HOXB4: variants seen among roughly 807,000 people sequenced by gnomAD.
HOXB4 encodes homeobox B4.
A neutral mutation model predicts 20.0 loss-of-function variants in HOXB4; 13 were observed. The ratio of observed to expected loss-of-function variants is 0.65; its 90% CI spans 0.42 to 1.03. The LOEUF (loss-of-function observed/expected upper bound fraction) is 1.03. HOXB4 is among the 50% of genes least tolerant of loss of function. The pLI, the probability that HOXB4 is intolerant of heterozygous loss-of-function variation, is 0.00. For synonymous variants in HOXB4, 173 were observed against 148.9 expected (o/e 1.16, Z -1.18); for missense variants, 343 against 357.1 (o/e 0.96, Z 0.32).
chr17:48,576,526 G>A lies in HOXB4; in HGVS notation c.*196C>T. ...CTTGCTTCTGGGGGGGCCTCCCCGT[G>A]GCCCTCTATTGTCATTTCTATAAAT... On this transcript the variant is annotated 3_prime_UTR_variant, in exon 2 of 2. Transcript: ENST00000332503. The A allele has an allele frequency of 9.6e-6, 4 of 417,732 alleles. No homozygotes were observed. The highest frequency in any genetic ancestry group is 1.7e-5 in the Non-Finnish European group (4 of 240,116). 25.9% of individuals were successfully genotyped at this position (417,732 alleles called of 1,614,324 possible).
At chr17:48,577,822 G>T in intron 1 of HOXB4, 41 bp downstream of exon 1, 1 of 1,374,868 alleles carries the variant, frequency 7.3e-7, no homozygotes. Context: ...TTGGTGTAAA[G>T]CTCCAGGGGT....
rs1286474027 is a variant in HOXB4 at position 48,578,259 on chromosome 17, C to T, written c.61G>A (p.Glu21Lys). 1 of 1,614,020 alleles carries T rather than the reference C, an allele frequency of 6.2e-7. No homozygotes were observed. Among genetic ancestry groups the T allele is most frequent in the Non-Finnish European group, 8.5e-7 (1 of 1,179,916 alleles). ...NYVDPKFPPCEEYSQSDYLPS... is the reference protein window; with the variant it reads ...NYVDPKFPPCKEYSQSDYLPS... Reference sequence around the variant, plus strand: ...AGGTAATCGCTCTGTGAATATTCCTCGCATGGAGGGAACTTGGGGTCGACA... The same window carrying T: ...AGGTAATCGCTCTGTGAATATTCCTTGCATGGAGGGAACTTGGGGTCGACA... The change falls in exon 1 of 2, where the codon GAG (glutamate) becomes AAG (lysine). Residue 21 changes from glutamate to lysine, a missense_variant. Around this residue, in one of 3 missense-constraint regions of HOXB4, gnomAD observed 241 missense variants for 222.0 expected, o/e 1.09. Transcript: ENST00000332503.
Position 48,578,007 on chromosome 17 carries a change from C to G in HOXB4, c.313G>C (p.Glu105Gln). ...APPPAGALLP[E>Q]PGQRCEAVSS... Reference sequence around the variant, plus strand: ...ACCGCCTCGCAGCGCTGGCCGGGCTCCGGGAGGAGGGCCCCGGCGGGTGGC... The same window carrying G: ...ACCGCCTCGCAGCGCTGGCCGGGCTGCGGGAGGAGGGCCCCGGCGGGTGGC... Residue 105 changes from glutamate to glutamine, a missense_variant, in exon 1 of 2, where the codon GAG (glutamate) becomes CAG (glutamine). Transcript: ENST00000332503. 2.6e-6 allele frequency: 3 copies of G among 1,160,940 alleles called. No individual in the cohort carries two copies. Among genetic ancestry groups the G allele is most frequent in the Non-Finnish European group, 3.2e-6 (3 of 937,252 alleles). The allele number at this position is 1,160,940 out of a possible 1,614,324, so 71.9% of individuals were successfully genotyped here. A position where few individuals can be genotyped will look rare whatever the true frequency, so the allele number is the denominator to read the frequency against.
rs1409342651 is a variant in HOXB4 at position 48,578,092 on chromosome 17, A to C, written c.228T>G (p.Pro76=). 3 of 633,720 alleles carry C rather than the reference A, an allele frequency of 4.7e-6. No individual in the cohort carries two copies. The highest frequency in any genetic ancestry group is 6.4e-6 in the Non-Finnish European group (3 of 471,782). The allele number at this position is 633,720 out of a possible 1,614,324, so 39.3% of individuals were successfully genotyped here. The change falls in exon 1 of 2, where the codon CCT becomes CCG. Residue 76 remains proline (P), a synonymous_variant. Coordinates refer to ENST00000332503, the MANE Select transcript of HOXB4 (RefSeq NM_024015.5). Reference sequence around the variant, plus strand: ...GCGGGGGCGGCGGGGGTGGTGGCGGAGGCGGCGGGGGCCCAGGGTCCCGGC... The same window carrying C: ...GCGGGGGCGGCGGGGGTGGTGGCGGCGGCGGCGGGGGCCCAGGGTCCCGGC... ...AACRDPGPPP[P]PPPPPPPPPP...
intron 1 of HOXB4, 81 bp from the exon 2 acceptor site, chr17:48,577,101 C>A: frequency 1.5e-6 from 2 of 1,350,982 alleles, no homozygotes; most frequent in South Asian, 1.4e-5. Flanking sequence ...GGGAACACAG[C>A]GTTTCCCTCC....
rs2069760198 is a variant in HOXB4, at chr17:48,576,345, C to G, written c.*377G>C. The G allele has an allele frequency of 5.8e-6, 1 of 171,180 alleles. No homozygotes were observed. The allele number at this position is 171,180 out of a possible 1,614,324, so 10.6% of individuals were successfully genotyped here. A position where few individuals can be genotyped will look rare whatever the true frequency, so the allele number is the denominator to read the frequency against. On this transcript the variant is annotated 3_prime_UTR_variant, in exon 2 of 2. Coordinates refer to ENST00000332503, the MANE Select transcript of HOXB4 (RefSeq NM_024015.5). ...GGAAACAAGACAGATGGGCCTGGAC[C>G]TGGCGTGATTAAAGATGAAACGTGG... is the stretch of plus-strand genomic sequence containing the variant.
In HOXB4 at chr17:48,576,650, T is replaced by TGC; in HGVS notation, c.*71_*72insGC. The TGC allele has an allele frequency of 4.5e-4, 257 of 567,518 alleles. No homozygotes were observed. The highest frequency in any genetic ancestry group is 1.9e-3 in the Middle Eastern group (3 of 1,566). The allele number at this position is 567,518 out of a possible 1,614,324, so 35.2% of individuals were successfully genotyped here. On this transcript the variant is annotated 3_prime_UTR_variant, in exon 2 of 2. Transcript: ENST00000332503. ...GCCCAGGCCCCAGGGCCCCCTCCTGTCCCCCCACCCCATCCCCTGCACTCA... is the reference window on the plus strand; with the variant it reads ...GCCCAGGCCCCAGGGCCCCCTCCTGTGCCCCCCCACCCCATCCCCTGCACTCA...
chr17:48,577,214 G>A (rs1378126607), intron 1 of HOXB4, among the ~76,000 whole-genome samples, 194 bp from the exon 2 acceptor site: 1 of 152,184 alleles, frequency 6.6e-6, no homozygotes, highest in Non-Finnish European at 1.5e-5. Context: ...CCAAGTTTTG[G>A]AGGGCTGTGC....
intron 1 of HOXB4, 148 bp downstream of exon 1, chr17:48,577,715 A>G (rs2069811136): frequency 1.5e-6 from 1 of 686,136 alleles, no homozygotes; most frequent in Non-Finnish European, 2.0e-6. Flanking sequence ...GGCTCTGAAA[A>G]CAGGCGACCG....
chr17:48,578,109 G>T lies in HOXB4; in HGVS notation c.211C>A (p.Pro71Thr), dbSNP rs1006234182. ...TVQRYAACRD[P>T]GPPPPPPPPP... ...GGTGGCGGAGGCGGCGGGGGCCCAG[G>T]GTCCCGGCAGGCCGCGTAGCGCTGC... The change falls in exon 1 of 2, where the codon CCT becomes ACT. Residue 71 changes from proline (P) to threonine (T), a missense_variant. Pro to Thr is a conservative substitution (Grantham distance 38, BLOSUM62 -1). Transcript: ENST00000332503. 2.3e-6 allele frequency: 3 copies of T among 1,277,630 alleles called. No homozygotes were observed. The highest frequency in any genetic ancestry group is 3.1e-5 in the African/African-American group (2 of 63,776). The allele number at this position is 1,277,630 out of a possible 1,614,324, so 79.1% of individuals were successfully genotyped here. A position where few individuals can be genotyped will look rare whatever the true frequency, so the allele number is the denominator to read the frequency against.
At position 48,576,913 on chromosome 17, in the gene HOXB4, G is replaced by GT; in HGVS notation, c.564dup (p.Arg189ThrfsTer112). Reference sequence around the variant, plus strand: ...TGGGCGATCTCCACCCTCCGGCGCCGTGTCAGGTAGCGGTTGTAGTGAAAT... The same window carrying GT: ...TGGGCGATCTCCACCCTCCGGCGCCGTTGTCAGGTAGCGGTTGTAGTGAAAT... On this transcript the variant is annotated frameshift_variant, in exon 2 of 2. Coordinates refer to ENST00000332503, the MANE Select transcript of HOXB4 (RefSeq NM_024015.5). LOFTEE classifies it high-confidence loss of function. 3.1e-6 allele frequency: 5 copies of GT among 1,614,248 alleles called. No homozygotes were observed. Among genetic ancestry groups the GT allele is most frequent in the Non-Finnish European group, 4.2e-6 (5 of 1,180,036 alleles).
Position 48,578,051 on chromosome 17 carries a change from G to T in HOXB4, c.269C>A (p.Ser90Tyr). The T allele has an allele frequency of 3.4e-6, 3 of 894,192 alleles. No individual in the cohort carries two copies. Among genetic ancestry groups the T allele is most frequent in the South Asian group, 1.0e-4 (2 of 19,234 alleles). The allele number at this position is 894,192 out of a possible 1,614,324, so 55.4% of individuals were successfully genotyped here. A position where few individuals can be genotyped will look rare whatever the true frequency, so the allele number is the denominator to read the frequency against. ...GGGTGGCGGCGCAGGAGCCCGAGGGGACAGACCGGGCGGTGGCGGGGGCGG... is the reference window on the plus strand; with the variant it reads ...GGGTGGCGGCGCAGGAGCCCGAGGGTACAGACCGGGCGGTGGCGGGGGCGG... Reference protein sequence around the residue: ...PPPPPPPPGLSPRAPAPPPAG... With the variant: ...PPPPPPPPGLYPRAPAPPPAG... The change falls in exon 1 of 2, where the codon TCC becomes TAC. Residue 90 changes from serine to tyrosine, a missense_variant. By Grantham distance (144) the Ser-to-Tyr change is moderately radical. Coordinates refer to ENST00000332503, the MANE Select transcript of HOXB4 (RefSeq NM_024015.5).
rs2069833402 is a variant in HOXB4, at chr17:48,578,176, G to C, written c.144C>G (p.Phe48Leu). 1 of 1,610,996 alleles carries C rather than the reference G, an allele frequency of 6.2e-7. No homozygotes were observed. The highest frequency in any genetic ancestry group is 1.1e-5 in the South Asian group (1 of 90,786). The part of the protein sequence containing the change: ...YAGGQRRESS[F>L]QPEAGFGRRA... ...GCCGCCCGAAGCCCGCCTCCGGCTGGAAGCTGCTCTCTCGCCTCTGGCCGC... is the reference window on the plus strand; with the variant it reads ...GCCGCCCGAAGCCCGCCTCCGGCTGCAAGCTGCTCTCTCGCCTCTGGCCGC... Residue 48 changes from phenylalanine (F) to leucine (L), a missense_variant, in exon 1 of 2, where the codon TTC (phenylalanine) becomes TTG (leucine). Physicochemically the swap from Phe to Leu is conservative, Grantham distance 22. Around this residue, in one of 3 missense-constraint regions of HOXB4, gnomAD observed 241 missense variants for 222.0 expected, o/e 1.09. Coordinates refer to ENST00000332503, the MANE Select transcript of HOXB4 (RefSeq NM_024015.5).
Position 48,578,045 on chromosome 17 carries a change from C to T in HOXB4, c.275G>A (p.Arg92Gln), listed in dbSNP as rs1254723779. ...PPPPPPGLSP[R>Q]APAPPPAGAL... ...CCCGGCGGGTGGCGGCGCAGGAGCCCGAGGGGACAGACCGGGCGGTGGCGG... is the reference window on the plus strand; with the variant it reads ...CCCGGCGGGTGGCGGCGCAGGAGCCTGAGGGGACAGACCGGGCGGTGGCGG... Residue 92 changes from arginine (R) to glutamine (Q), a missense_variant, in exon 1 of 2, where the codon CGG becomes CAG. This residue lies in a region of HOXB4 where 241 missense variants were observed against 222.0 expected (regional missense o/e 1.09). Coordinates refer to ENST00000332503, the MANE Select transcript of HOXB4 (RefSeq NM_024015.5). 1.1e-6 allele frequency: 1 copy of T among 927,202 alleles called. No individual in the cohort carries two copies. The highest frequency in any genetic ancestry group is 2.7e-5 in the African/African-American group (1 of 37,700). The allele number at this position is 927,202 out of a possible 1,614,324, so 57.4% of individuals were successfully genotyped here.
Position 48,576,656 on chromosome 17 carries a change from C to G in HOXB4, c.*66G>C. The G allele has an allele frequency of 1.5e-6, 1 of 674,164 alleles. No individual in the cohort carries two copies. The highest frequency in any genetic ancestry group is 2.1e-6 in the Non-Finnish European group (1 of 467,636). 41.8% of individuals were successfully genotyped at this position (674,164 alleles called of 1,614,324 possible). On this transcript the variant is annotated 3_prime_UTR_variant, in exon 2 of 2. Transcript: ENST00000332503. ...GCCCCAGGGCCCCCTCCTGTCCCCCCACCCCATCCCCTGCACTCACTGCCC... is the reference window on the plus strand; with the variant it reads ...GCCCCAGGGCCCCCTCCTGTCCCCCGACCCCATCCCCTGCACTCACTGCCC...
In HOXB4 at chr17:48,576,875, G is replaced by A. The variant is rs2069782004; in HGVS notation, c.603C>T (p.Leu201=). The A allele has an allele frequency of 6.2e-7, 1 of 1,614,124 alleles. No homozygotes were observed. The highest frequency in any genetic ancestry group is 8.5e-7 in the Non-Finnish European group (1 of 1,180,048). ...ACCAGATCTTGATCTGGCGCTCGGA[G>A]AGGCAGAGCGCGTGGGCGATCTCCA... ...RRVEIAHALC[L]SERQIKIWFQ... is the part of the protein sequence containing the mutation. Residue 201 remains leucine (L), a synonymous_variant, in exon 2 of 2, where the codon CTC becomes CTT. Coordinates refer to ENST00000332503, the MANE Select transcript of HOXB4 (RefSeq NM_024015.5).
Position 48,576,848 on chromosome 17 carries a change from GA to G in HOXB4, c.629del (p.Phe210SerfsTer6). ...CLSERQIKIW[F>X]QNRRMKWKKD... is the part of the protein sequence containing the mutation. ...TTTTCCACTTCATGCGCCGGTTCTGGAACCAGATCTTGATCTGGCGCTCGGA... is the reference window on the plus strand; with the variant it reads ...TTTTCCACTTCATGCGCCGGTTCTGGACCAGATCTTGATCTGGCGCTCGGA... On this transcript the variant is annotated frameshift_variant, in exon 2 of 2. Transcript: ENST00000332503. LOFTEE classifies it high-confidence loss of function. 6.2e-7 allele frequency: 1 copy of G among 1,614,262 alleles called. No individual in the cohort carries two copies. The highest frequency in any genetic ancestry group is 8.5e-7 in the Non-Finnish European group (1 of 1,180,042).
At chr17:48,577,141 T>A in intron 1 of HOXB4, 121 bp from the exon 2 acceptor site, 1 of 963,712 alleles carries the variant, frequency 1.0e-6, no homozygotes, top group Non-Finnish European at 1.4e-6. Flanking sequence ...TTCTTCCTTC[T>A]GAGGGAGAGC....
Position 48,575,616 on chromosome 17 carries a change from G to A in HOXB4, c.*1106C>T, listed in dbSNP as rs2069732246. 6.6e-6 allele frequency: 1 copy of A among 152,422 alleles called. No individual in the cohort carries two copies. The highest frequency in any genetic ancestry group is 2.4e-5 in the African/African-American group (1 of 41,362). 9.4% of individuals were successfully genotyped at this position (152,422 alleles called of 1,614,324 possible). ...TCAAGCAGCCCCAGAGGTAGGAAGG[G>A]GCCTGGTTTTGGAATGTCAGAAAGA... On this transcript the variant is annotated 3_prime_UTR_variant, in exon 2 of 2. Coordinates refer to ENST00000332503, the MANE Select transcript of HOXB4 (RefSeq NM_024015.5).
Sources: allele counts gnomAD v4.1 joint callset (sites outside exome capture counted in the v4.1 genomes callset), GRCh38; gene constraint gnomAD v4.1.1; regional missense constraint gnomAD v4.1.1; transcripts MANE v1.5; gene names NCBI Gene and HGNC (gene_info 2026-07-23, HGNC 2026-07-21).